Variants in CEP85L observed in about 807,000 individuals in gnomAD.
CEP85L encodes centrosomal protein 85L, also known as centrosomal protein of 85 kDa-like.
CEP85L carries 60 observed loss-of-function variants against 100.3 expected under a neutral mutation model. The observed-to-expected ratio is 0.60, with a 90% CI of 0.49 to 0.74. CEP85L has a LOEUF of 0.74. Among genes scored for constraint, CEP85L ranks in the 30% least tolerant of loss-of-function variants. CEP85L has a pLI of 0.00. For missense variants in CEP85L, 973 were observed against 936.2 expected, an observed-to-expected ratio of 1.04 and a Z score of -0.51; for synonymous variants, 319 against 322.7, an observed-to-expected ratio of 0.99 and a Z score of 0.12.
At chr6:118,618,019 T>C (rs1401027208) in intron 2 of CEP85L, among the ~76,000 whole-genome samples, 6 of 152,076 alleles carry the variant, frequency 3.9e-5, no homozygotes, top group Admixed American at 1.3e-4. Flanking sequence ...CCCTGACCCT[T>C]TGGAGTTGGG....
upstream of CEP85L, among the ~76,000 whole-genome samples, chr6:118,652,191 G>A (rs532287037): frequency 2.0e-5 from 3 of 152,136 alleles, no homozygotes; most frequent in African/African-American, 7.2e-5. Context: ...GAGAGGGGCC[G>A]TCATTGTAAT....
At chr6:118,505,409 C>CAAAAA (rs56893664) in intron 5 of CEP85L, among the ~76,000 whole-genome samples, 4,861 of 71,346 alleles carry the variant, frequency 0.068, 910 homozygotes, top group African/African-American at 0.08. Context: ...TCACTGTACT[C>CAAAAA]AAAAAAAAAA....
Position 118,516,461 on chromosome 6 carries a change from G to A in CEP85L, c.1140-5046C>T, listed in dbSNP as rs79693475. On this transcript the variant is annotated intron_variant, in intron 4 of 12. Coordinates refer to ENST00000368491, the MANE Select transcript of CEP85L (RefSeq NM_001042475.3). ...ATCACCATTCTAACTGGTGTGAGAT[G>A]GTATCTCATTGTGGTTTTGATTTGC... 2.0e-5 allele frequency among the ~76,000 whole-genome samples: 3 copies of A among 152,228 alleles called. No individual in the cohort carries two copies. The East Asian group carries it at 5.8e-4, about 29-fold the overall frequency.
At chr6:118,525,946 G>A (rs1562229769) in intron 3 of CEP85L, among the ~76,000 whole-genome samples, 1 of 152,194 alleles carries the variant, frequency 6.6e-6, no homozygotes, top group Non-Finnish European at 1.5e-5. Context: ...ACCAGTAATT[G>A]CATAACATCA....
At position 118,569,891 on chromosome 6, in the gene CEP85L, G is replaced by A. The variant is rs955491326; in HGVS notation, c.233-3575C>T. Among the ~76,000 whole-genome samples the A allele has an allele frequency of 4.6e-5, 7 of 151,768 alleles. No individual in the cohort carries two copies. The East Asian group carries it at 7.7e-4, about 17-fold the overall frequency. On this transcript the variant is annotated intron_variant, in intron 2 of 12. Coordinates refer to ENST00000368491, the MANE Select transcript of CEP85L (RefSeq NM_001042475.3). ...ATATATTTTTTAAAAATCCTCAAAC[G>A]CACTAATAGTAAAGATACATTCTCT...
intron 2 of CEP85L, among the ~76,000 whole-genome samples, chr6:118,577,351 C>T (rs182694248): frequency 1.3e-5 from 2 of 152,304 alleles, no homozygotes; most frequent in African/African-American, 4.8e-5. Context: ...ATCCCTTTCA[C>T]TCTGGCATTT....
At chr6:118,589,576 CG>C in intron 2 of CEP85L, 1 of 258,416 alleles carries the variant, frequency 3.9e-6, no homozygotes, top group African/African-American at 2.3e-5. Flanking sequence ...CCACGGACTG[CG>C]AGAGAGAAAG....
At chr6:118,605,218 G>A (rs549850155) in intron 2 of CEP85L, among the ~76,000 whole-genome samples, 1 of 152,294 alleles carries the variant, frequency 6.6e-6, no homozygotes, top group Non-Finnish European at 1.5e-5. Flanking sequence ...CCCAAAAGGA[G>A]GGAAATACTA....
At chr6:118,708,676 C>T (rs1474475161) in intron 1 of CEP85L, among the ~76,000 whole-genome samples, 2 of 152,178 alleles carry the variant, frequency 1.3e-5, no homozygotes, top group African/African-American at 4.8e-5. Context: ...GACATGGGAA[C>T]AGCATATAAA....
chr6:118,559,443 C>T, intron 3 of CEP85L: 3 of 295,898 alleles, frequency 1.0e-5, no homozygotes, highest in Non-Finnish European at 6.9e-6. Context: ...ATTATTTTTA[C>T]TCTTTTGAGG....
chr6:118,601,552 T>C lies in CEP85L; in HGVS notation c.232+30901A>G, dbSNP rs1385421581. Among the ~76,000 whole-genome samples the C allele has an allele frequency of 5.9e-5, 9 of 152,364 alleles. No individual in the cohort carries two copies. The South Asian group carries it at 1.9e-3, about 32-fold the overall frequency. On this transcript the variant is annotated intron_variant, in intron 2 of 12. Coordinates refer to ENST00000368491, the MANE Select transcript of CEP85L (RefSeq NM_001042475.3). ...CATGAATATCTGTTTTGGGGTATCATCCTTATTTATTTGAGCTTTTTCTTC... is the reference window on the plus strand; with the variant it reads ...CATGAATATCTGTTTTGGGGTATCACCCTTATTTATTTGAGCTTTTTCTTC...
At chr6:118,616,149 G>T (rs564119315) in intron 2 of CEP85L, among the ~76,000 whole-genome samples, 42 of 152,154 alleles carry the variant, frequency 2.8e-4, no homozygotes, top group African/African-American at 1.0e-3. Context: ...TGTAGAACCA[G>T]GCAAAGAGTT....
chr6:118,704,420 C>T (rs576398967), intron 1 of CEP85L, among the ~76,000 whole-genome samples: 180 of 152,248 alleles, frequency 1.2e-3, no homozygotes, highest in African/African-American at 4.2e-3. Flanking sequence ...GCCTCAGGTG[C>T]ACCCTGGTGT....
chr6:118,610,549 TG>T (rs1388684329), intron 2 of CEP85L, among the ~76,000 whole-genome samples: 1 of 152,166 alleles, frequency 6.6e-6, no homozygotes, highest in Non-Finnish European at 1.5e-5. Flanking sequence ...CTGGGAATCC[TG>T]GACTTCCATC....
rs552777739 is a variant in CEP85L at position 118,492,673 on chromosome 6, T to C, written c.1258-808A>G. Among the ~76,000 whole-genome samples, 7 of 152,286 alleles carry C rather than the reference T, an allele frequency of 4.6e-5. No homozygotes were observed. The South Asian group carries it at 1.4e-3, about 32-fold the overall frequency. On this transcript the variant is annotated intron_variant, in intron 5 of 12. Transcript: ENST00000368491. ...AGCAAAGAAAGAGGTTATTTTTCCA[T>C]TTATTTAAAAGATATTTACAAAGCA... is the stretch of plus-strand genomic sequence containing the variant.
At chr6:118,600,298 G>GGGGGT (rs1781673893) in intron 2 of CEP85L, among the ~76,000 whole-genome samples, 1 of 59,152 alleles carries the variant, frequency 1.7e-5, no homozygotes, top group African/African-American at 5.8e-5. Flanking sequence ...AGCCTTCCTG[G>GGGGGT]GGGTGTGTGT....
At chr6:118,538,691 A>G (rs1197742601) in intron 3 of CEP85L, among the ~76,000 whole-genome samples, 1 of 116,300 alleles carries the variant, frequency 8.6e-6, no homozygotes, top group East Asian at 2.2e-4. Flanking sequence ...ACAGACAGTA[A>G]CTTACTTTCT....
rs537478553 is a variant in CEP85L, at chr6:118,592,492, A to C, written c.233-26176T>G. On this transcript the variant is annotated intron_variant, in intron 2 of 12. Coordinates refer to ENST00000368491, the MANE Select transcript of CEP85L (RefSeq NM_001042475.3). ...GTTAATTTTAAGGCTAATTGACCAA[A>C]TAATTCACTGTCATATCTGGAAGTG... is the stretch of plus-strand genomic sequence containing the variant. Among the ~76,000 whole-genome samples the C allele has an allele frequency of 1.2e-3, 184 of 152,214 alleles. 1 individual carries two copies. Among genetic ancestry groups the C allele is most frequent in the African/African-American group, 4.1e-3 (171 of 41,498 alleles).
chr6:118,612,996 A>G (rs1024242046), intron 2 of CEP85L, among the ~76,000 whole-genome samples: 15 of 152,010 alleles, frequency 9.9e-5, no homozygotes, highest in African/African-American at 3.4e-4. Flanking sequence ...AGGCGGGCGG[A>G]TCGCCTGAAG....
Sources: allele counts gnomAD v4.1 joint callset (sites outside exome capture counted in the v4.1 genomes callset), GRCh38; gene constraint gnomAD v4.1.1; transcripts MANE v1.5; gene names NCBI Gene and HGNC (gene_info 2026-07-23, HGNC 2026-07-21).